Variants in COMMD10 observed in about 807,000 individuals in gnomAD.
The protein encoded by COMMD10 is COMM domain containing 10, also known as COMM domain-containing protein 10.
COMMD10 carries 33 observed loss-of-function variants against 28.9 expected under a neutral mutation model. The observed-to-expected ratio is 1.14, with a 90% CI of 0.87 to 1.53. The LOEUF (loss-of-function observed/expected upper bound fraction) is 1.53. Ranked by LOEUF, COMMD10 falls within the 40% of genes most tolerant of loss-of-function variation. The pLI is 0.00. For synonymous variants in COMMD10, 110 were observed against 81.7 expected (o/e 1.35, Z -1.87); for missense variants, 310 against 233.4 (o/e 1.33, Z -2.14).
At chr5:116,088,650 A>G (rs960970316) in intron 2 of COMMD10, among the ~76,000 whole-genome samples, 3 of 152,156 alleles carry the variant, frequency 2.0e-5, no homozygotes, top group African/African-American at 7.2e-5. Flanking sequence ...CTTGCCATGA[A>G]CTTTTTCAGC....
At chr5:116,222,504 T>C (rs1354326699) in intron 5 of COMMD10, among the ~76,000 whole-genome samples, 1 of 152,108 alleles carries the variant, frequency 6.6e-6, no homozygotes. Context: ...ATTTTAGAAG[T>C]AGAATAAAGT....
chr5:116,243,298 A>G (rs1580576580), intron 5 of COMMD10, among the ~76,000 whole-genome samples: 1 of 152,186 alleles, frequency 6.6e-6, no homozygotes, highest in African/African-American at 2.4e-5. Context: ...CATTACATAC[A>G]TGTTCAGGGA....
chr5:116,214,743 CAG>C (rs1164677975), intron 5 of COMMD10, among the ~76,000 whole-genome samples: 1 of 152,052 alleles, frequency 6.6e-6, no homozygotes, highest in Non-Finnish European at 1.5e-5. Flanking sequence ...CTCCAGGCCT[CAG>C]TATACATTAA....
chr5:116,263,353 A>G (rs761833330), intron 5 of COMMD10, among the ~76,000 whole-genome samples: 19 of 151,734 alleles, frequency 1.3e-4, no homozygotes, highest in Non-Finnish European at 1.0e-4. Context: ...TTACTTTTCA[A>G]TCTGACTCTG....
At chr5:116,120,316 G>A (rs1045339097) in intron 4 of COMMD10, among the ~76,000 whole-genome samples, 1 of 152,050 alleles carries the variant, frequency 6.6e-6, no homozygotes, top group Non-Finnish European at 1.5e-5. Flanking sequence ...GTGGTGGCAT[G>A]AGAATGATAT....
At chr5:116,253,709 T>C (rs1580586015) in intron 5 of COMMD10, among the ~76,000 whole-genome samples, 2 of 149,236 alleles carry the variant, frequency 1.3e-5, no homozygotes, top group South Asian at 2.1e-4. Flanking sequence ...CAGTATTTTA[T>C]TGAGGATTTT....
chr5:116,271,675 C>T (rs1356635570), intron 5 of COMMD10, among the ~76,000 whole-genome samples: 1 of 151,782 alleles, frequency 6.6e-6, no homozygotes, highest in Non-Finnish European at 1.5e-5. Flanking sequence ...TTAGAAGGAG[C>T]CTATGTCTAC....
intron 5 of COMMD10, among the ~76,000 whole-genome samples, chr5:116,157,752 A>T (rs1752764818): frequency 1.3e-5 from 2 of 152,146 alleles, no homozygotes; most frequent in African/African-American, 4.8e-5. Context: ...ACCAAAATAT[A>T]TGTGTTTAAT....
At chr5:116,204,531 A>G (rs1421702102) in intron 5 of COMMD10, among the ~76,000 whole-genome samples, 2 of 152,098 alleles carry the variant, frequency 1.3e-5, no homozygotes, top group East Asian at 3.8e-4. Context: ...TTGAGGAGGA[A>G]ATATCTAATA....
At chr5:116,108,352 T>G (rs1168492495) in intron 4 of COMMD10, among the ~76,000 whole-genome samples, 1 of 152,234 alleles carries the variant, frequency 6.6e-6, no homozygotes, top group Non-Finnish European at 1.5e-5. Context: ...GCTACTGCCT[T>G]TTTTTCAGAG....
At chr5:116,283,482 A>G (rs7725671) in intron 5 of COMMD10, among the ~76,000 whole-genome samples, 60,611 of 151,126 alleles carry the variant, frequency 0.4, 16,360 homozygotes, top group African/African-American at 0.77. Context: ...GAGCAGCTGG[A>G]ATTACAGGCA....
At chr5:116,218,253 CTTTATCTCCT>C in intron 5 of COMMD10, 1 of 742,804 alleles carries the variant, frequency 1.3e-6, no homozygotes, top group Non-Finnish European at 2.5e-6. Flanking sequence ...TTTACCTTGG[CTTTATCTCCT>C]TTAGCATCCC....
intron 5 of COMMD10, among the ~76,000 whole-genome samples, chr5:116,158,640 A>G (rs1453446976): frequency 1.3e-5 from 2 of 151,512 alleles, no homozygotes; most frequent in African/African-American, 4.8e-5. Context: ...CCATGCTTGG[A>G]CAGCAAAACT....
At chr5:116,105,168 AG>A (rs1255888466) in intron 4 of COMMD10, among the ~76,000 whole-genome samples, 1 of 152,188 alleles carries the variant, frequency 6.6e-6, no homozygotes, top group Non-Finnish European at 1.5e-5. Flanking sequence ...TTTAGCACAA[AG>A]GGCTGTTGAA....
chr5:116,165,338 T>C (rs1753053226), intron 5 of COMMD10, among the ~76,000 whole-genome samples: 1 of 152,178 alleles, frequency 6.6e-6, no homozygotes, highest in African/African-American at 2.4e-5. Flanking sequence ...TTAAGGAGTA[T>C]TTTTGGTAAT....
chr5:116,125,329 G>A (rs1261016109), intron 4 of COMMD10, among the ~76,000 whole-genome samples: 1 of 152,182 alleles, frequency 6.6e-6, no homozygotes, highest in Non-Finnish European at 1.5e-5. Flanking sequence ...GGCTGGATAT[G>A]AAATTCTGGG....
intron 4 of COMMD10, among the ~76,000 whole-genome samples, chr5:116,095,587 A>G (rs1750442854): frequency 6.7e-6 from 1 of 150,172 alleles, no homozygotes; most frequent in Admixed American, 6.7e-5. Context: ...TTTCCTTTTC[A>G]TTCTCTTAAC....
rs1752442535 is a variant in COMMD10 at position 116,149,408 on chromosome 5, C to G, written c.510+15230C>G. On this transcript the variant is annotated intron_variant, in intron 5 of 6. Transcript: ENST00000274458. Reference sequence around the variant, plus strand: ...GCTGGGTCAAATGGTATTTCTAGTTCTAGATCCCTGAGGAATCGCCACACA... The same window carrying G: ...GCTGGGTCAAATGGTATTTCTAGTTGTAGATCCCTGAGGAATCGCCACACA... Among the ~76,000 whole-genome samples, 4 of 148,134 alleles carry G rather than the reference C, an allele frequency of 2.7e-5. No individual in the cohort carries two copies. The South Asian group carries it at 6.5e-4, about 24-fold the overall frequency.
At position 116,247,670 on chromosome 5, in the gene COMMD10, A is replaced by G. The variant is rs1749989576; in HGVS notation, c.511-43847A>G. Among the ~76,000 whole-genome samples the G allele has an allele frequency of 5.3e-5, 8 of 152,072 alleles. No homozygotes were observed. In the South Asian group the frequency reaches 1.0e-3, roughly 20 times the overall value. The stretch of plus-strand genomic sequence containing the variant: ...GATCATATCCTTTGCAGGGACATGG[A>G]TGGAGCTGGAGGCCATTATCCTTAG... On this transcript the variant is annotated intron_variant, in intron 5 of 6. Transcript: ENST00000274458.
Sources: allele counts gnomAD v4.1 joint callset (sites outside exome capture counted in the v4.1 genomes callset), GRCh38; gene constraint gnomAD v4.1.1; transcripts MANE v1.5; gene names NCBI Gene and HGNC (gene_info 2026-07-23, HGNC 2026-07-21).